Variants in FHIP1A observed in about 807,000 individuals in gnomAD.
The protein encoded by FHIP1A is FHF complex subunit HOOK-interacting protein 1A.
Under a neutral mutation model 88.6 loss-of-function variants are expected in FHIP1A, and 61 were observed. The ratio of observed to expected loss-of-function variants is 0.69; its 90% confidence interval spans 0.56 to 0.85. FHIP1A has a LOEUF of 0.85. Ranked by LOEUF, FHIP1A falls within the 40% of genes least tolerant of loss-of-function variation. FHIP1A has a pLI of 0.00. For synonymous variants in FHIP1A, 478 were observed against 496.0 expected, an observed-to-expected ratio of 0.96 and a Z score of 0.48; for missense variants, 1,154 against 1,273.5, an observed-to-expected ratio of 0.91 and a Z score of 1.43.
At chr4:151,552,152 C>T (rs1439032984) in intron 3 of FHIP1A, among the ~76,000 whole-genome samples, 3 of 152,128 alleles carry the variant, frequency 2.0e-5, no homozygotes, top group Non-Finnish European at 2.9e-5. Flanking sequence ...GTTAGAATGG[C>T]AATCATTAAA....
intron 3 of FHIP1A, among the ~76,000 whole-genome samples, chr4:151,557,805 C>G (rs894106951): frequency 1.3e-5 from 2 of 152,190 alleles, no homozygotes; most frequent in Non-Finnish European, 2.9e-5. Flanking sequence ...AAATTAGATC[C>G]TCCTTTACCC....
At chr4:151,527,389 C>T (rs187280969) in intron 3 of FHIP1A, among the ~76,000 whole-genome samples, 2 of 152,326 alleles carry the variant, frequency 1.3e-5, no homozygotes, top group Admixed American at 6.5e-5. Context: ...TCAGGCGTGG[C>T]GGCGCACACC....
intron 1 of FHIP1A, among the ~76,000 whole-genome samples, chr4:151,413,918 A>G (rs973878156): frequency 1.3e-5 from 2 of 152,212 alleles, no homozygotes; most frequent in South Asian, 2.1e-4. Context: ...ACATAACTGT[A>G]GAGACAAACC....
At chr4:151,577,138 T>C (rs995088656) in intron 4 of FHIP1A, among the ~76,000 whole-genome samples, 1 of 152,222 alleles carries the variant, frequency 6.6e-6, no homozygotes, top group Non-Finnish European at 1.5e-5. Flanking sequence ...TTTTCCTCAG[T>C]TATGTTCATA....
intron 3 of FHIP1A, among the ~76,000 whole-genome samples, chr4:151,528,371 A>G (rs1405884089): frequency 6.6e-6 from 1 of 152,200 alleles, no homozygotes; most frequent in African/African-American, 2.4e-5. Flanking sequence ...TAGCTATGAA[A>G]TGTACATCAT....
At chr4:151,661,188 A>AG (rs1737442810) in intron 13 of FHIP1A, among the ~76,000 whole-genome samples, 1 of 152,150 alleles carries the variant, frequency 6.6e-6, no homozygotes, top group Non-Finnish European at 1.5e-5. Flanking sequence ...GGAGAGTGAC[A>AG]GGGCCTGAGC....
intron 7 of FHIP1A, among the ~76,000 whole-genome samples, chr4:151,614,893 A>G (rs886528419): frequency 2.6e-5 from 4 of 152,204 alleles, no homozygotes; most frequent in Non-Finnish European, 4.4e-5. Context: ...AGTCTTTCAC[A>G]TAAAGCTTTT....
chr4:151,423,488 A>G (rs953286866), intron 1 of FHIP1A, among the ~76,000 whole-genome samples: 6 of 152,130 alleles, frequency 3.9e-5, no homozygotes, highest in Non-Finnish European at 5.9e-5. Flanking sequence ...TTTGGGTGCA[A>G]ATATGTTTCA....
intron 7 of FHIP1A, among the ~76,000 whole-genome samples, chr4:151,589,931 G>A (rs1734360577): frequency 6.6e-6 from 1 of 152,178 alleles, no homozygotes; most frequent in African/African-American, 2.4e-5. Flanking sequence ...CATCTTTGAT[G>A]TGGTTTAAAC....
chr4:151,532,676 G>A (rs750537533), intron 3 of FHIP1A, among the ~76,000 whole-genome samples: 9 of 152,156 alleles, frequency 5.9e-5, no homozygotes, highest in Admixed American at 2.6e-4. Flanking sequence ...CTGAGGAATA[G>A]GAGAAACAGA....
rs1365259548 is a variant in FHIP1A at position 151,668,672 on chromosome 4, G to C, written c.*5918G>C. On this transcript the variant is annotated 3_prime_UTR_variant, in exon 14 of 14. Coordinates refer to ENST00000435205, the MANE Select transcript of FHIP1A (RefSeq NM_001109977.3). The stretch of plus-strand genomic sequence containing the variant: ...GTATCACCAGTGTCTCTTCAAAAGG[G>C]CCCCACAAAAGGCTGTCCATTAATT... 6.6e-6 allele frequency among the ~76,000 whole-genome samples: 1 copy of C among 152,184 alleles called. No homozygotes were observed. Among genetic ancestry groups the C allele is most frequent in the Admixed American group, 6.5e-5 (1 of 15,280 alleles).
At position 151,444,026 on chromosome 4, in the gene FHIP1A, A is replaced by G. The variant is rs1270714365; in HGVS notation, c.-355-10675A>G. On this transcript the variant is annotated intron_variant, in intron 1 of 13. Transcript: ENST00000435205. ...TCTCCCCACTCTGTGATACCTGTTG[A>G]CTCTGAGCCCAGAGCCTCCCCAGGC... 4.7e-5 allele frequency among the ~76,000 whole-genome samples: 7 copies of G among 148,706 alleles called. No homozygotes were observed. The East Asian group carries it at 1.4e-3, about 29-fold the overall frequency.
chr4:151,629,912 G>A (rs1306507249), intron 8 of FHIP1A, 43 bp downstream of exon 8: 1 of 1,438,918 alleles, frequency 6.9e-7, no homozygotes, highest in Non-Finnish European at 9.3e-7. Flanking sequence ...ACTCAGAACA[G>A]ATTTCAGGAG....
intron 1 of FHIP1A, among the ~76,000 whole-genome samples, chr4:151,431,380 C>T (rs1733585907): frequency 6.6e-6 from 1 of 152,254 alleles, no homozygotes; most frequent in South Asian, 2.1e-4. Context: ...GATGCGCTTA[C>T]ATTTGCATTA....
In FHIP1A at chr4:151,584,715, C is replaced by T. The variant is rs189437397; in HGVS notation, c.733-1926C>T. 2.6e-4 allele frequency among the ~76,000 whole-genome samples: 40 copies of T among 152,258 alleles called. 1 individual carries two copies. Among genetic ancestry groups the T allele is most frequent in the Admixed American group, 2.4e-3 (37 of 15,292 alleles). On this transcript the variant is annotated intron_variant, in intron 5 of 13. Coordinates refer to ENST00000435205, the MANE Select transcript of FHIP1A (RefSeq NM_001109977.3). The stretch of plus-strand genomic sequence containing the variant: ...ATAAAACCCTGCAGGATCTGATTCC[C>T]GTTTACCTTGCCAGCCTCTTTCTAC...
intron 3 of FHIP1A, among the ~76,000 whole-genome samples, chr4:151,541,346 G>A (rs1732277092): frequency 6.6e-6 from 1 of 152,180 alleles, no homozygotes; most frequent in Admixed American, 6.5e-5. Context: ...AGGCATAATG[G>A]AGTAAAATTG....
chr4:151,587,534 T>C (rs978297472), intron 6 of FHIP1A, among the ~76,000 whole-genome samples: 1 of 151,588 alleles, frequency 6.6e-6, no homozygotes, highest in Non-Finnish European at 1.5e-5. Context: ...TTTATTATTA[T>C]ACTTTAAGTT....
intron 7 of FHIP1A, among the ~76,000 whole-genome samples, chr4:151,589,656 TG>T (rs148949555): frequency 4.2e-3 from 640 of 152,316 alleles, no homozygotes; most frequent in Non-Finnish European, 7.4e-3. Context: ...GATCATATGT[TG>T]TTTTGATGGA....
In FHIP1A at chr4:151,428,540, GT is replaced by G. The variant is rs1179865476; in HGVS notation, c.-356+19076del. Among the ~76,000 whole-genome samples the G allele has an allele frequency of 2.6e-5, 4 of 152,060 alleles. No homozygotes were observed. In the East Asian group the frequency reaches 5.8e-4, roughly 22 times the overall value. On this transcript the variant is annotated intron_variant, in intron 1 of 13. Transcript: ENST00000435205. ...GCCACTCTCTTCTACCTCACCCTTA[GT>G]AATATTTAAACAATGTAGATTTCAT...
Sources: allele counts gnomAD v4.1 joint callset (sites outside exome capture counted in the v4.1 genomes callset), GRCh38; gene constraint gnomAD v4.1.1; transcripts MANE v1.5; gene names NCBI Gene and HGNC (gene_info 2026-07-23, HGNC 2026-07-21).